The following ZPBP variants were observed in gnomAD, a reference collection of about 807,000 sequenced individuals.
ZPBP encodes zona pellucida binding protein.
In ZPBP, 26 loss-of-function variants were observed where a neutral mutation model predicts 44.8. The observed-to-expected ratio is 0.58, with a 90% confidence interval of 0.43 to 0.81. The LOEUF (loss-of-function observed/expected upper bound fraction) is 0.81. Among genes scored for constraint, ZPBP ranks in the 30% least tolerant of loss-of-function variants. The pLI is 0.00. For synonymous variants in ZPBP, 174 were observed against 153.2 expected (o/e 1.14, Z -1.00); for missense variants, 409 against 434.0 (o/e 0.94, Z 0.51).
At chr7:49,931,218 T>A (rs909474215) in intron 1 of ZPBP, among the ~76,000 whole-genome samples, 6 of 152,106 alleles carry the variant, frequency 3.9e-5, no homozygotes, top group African/African-American at 1.4e-4. Context: ...ACTAATACAG[T>A]ACATTGGTAC....
chr7:49,987,569 T>C (rs1215811135), intron 6 of ZPBP, among the ~76,000 whole-genome samples: 2 of 152,210 alleles, frequency 1.3e-5, no homozygotes, highest in Non-Finnish European at 2.9e-5. Flanking sequence ...CTATACCTGT[T>C]TATTAGGCCC....
rs1280381385 is a variant in ZPBP at position 50,043,473 on chromosome 7, T to C, written c.488-12163A>G. Among the ~76,000 whole-genome samples the C allele has an allele frequency of 3.3e-5, 5 of 152,102 alleles. No homozygotes were observed. In the South Asian group the frequency reaches 1.0e-3, roughly 32 times the overall value. On this transcript the variant is annotated intron_variant, in intron 4 of 7. Transcript: ENST00000046087. ...CACACATAGGCTCAAAATAAAGGGA[T>C]GGGGGAATGTTTGCCAAGCAAATGG...
intron 4 of ZPBP, among the ~76,000 whole-genome samples, chr7:50,045,740 C>T (rs796541703): frequency 4.6e-5 from 7 of 152,268 alleles, no homozygotes; most frequent in African/African-American, 1.7e-4. Flanking sequence ...TTTATAGATT[C>T]AATGCTATCC....
intron 2 of ZPBP, among the ~76,000 whole-genome samples, chr7:50,085,051 A>G (rs1802566715): frequency 6.6e-6 from 1 of 152,064 alleles, no homozygotes; most frequent in Admixed American, 6.6e-5. Flanking sequence ...ATATAAACTT[A>G]TTTAGAAATA....
At chr7:49,995,883 G>A (rs1216336328) in intron 6 of ZPBP, among the ~76,000 whole-genome samples, 4 of 152,198 alleles carry the variant, frequency 2.6e-5, no homozygotes, top group African/African-American at 7.2e-5. Flanking sequence ...GTTTGGGGGC[G>A]GGCAGTGAAG....
intron 3 of ZPBP, among the ~76,000 whole-genome samples, chr7:50,074,485 T>C (rs1435066073): frequency 6.6e-6 from 1 of 151,610 alleles, no homozygotes; most frequent in African/African-American, 2.4e-5. Flanking sequence ...ACAGAGTAGA[T>C]GAAAAAACAA....
Position 49,957,336 on chromosome 7 carries a change from A to G in ZPBP, c.962-19714T>C, listed in dbSNP as rs373221548. ...GTTGCTAAAACAGTCCTCTCATCAC[A>G]GGCCCAGAGTGTCACTCCTCGCATC... is the stretch of plus-strand genomic sequence containing the variant. On this transcript the variant is annotated intron_variant, in intron 7 of 7. Transcript: ENST00000046087. 1.5e-3 allele frequency among the ~76,000 whole-genome samples: 234 copies of G among 152,346 alleles called. 3 individuals carry two copies. The highest frequency in any genetic ancestry group is 5.4e-3 in the African/African-American group (224 of 41,588).
At chr7:49,998,928 A>T (rs142950095) in intron 6 of ZPBP, among the ~76,000 whole-genome samples, 86 of 152,256 alleles carry the variant, frequency 5.6e-4, no homozygotes, top group African/African-American at 1.9e-3. Flanking sequence ...ACACAGGTTG[A>T]GCATCTCTAA....
chr7:50,050,671 C>T (rs1437232224), intron 4 of ZPBP, among the ~76,000 whole-genome samples: 1 of 150,984 alleles, frequency 6.6e-6, no homozygotes, highest in South Asian at 2.1e-4. Flanking sequence ...GGAGAACTGG[C>T]TAGCCATATG....
intron 2 of ZPBP, among the ~76,000 whole-genome samples, chr7:50,082,401 A>C (rs1446917684): frequency 6.6e-6 from 1 of 151,938 alleles, no homozygotes; most frequent in African/African-American, 2.4e-5. Context: ...TATTGATTTT[A>C]AATATTAAAG....
chr7:49,844,105 G>A, the ZPBP span, among the ~76,000 whole-genome samples: 2 of 152,212 alleles, frequency 1.3e-5, no homozygotes, highest in Non-Finnish European at 2.9e-5. Flanking sequence ...GATGGCAACA[G>A]GTGGATGAAT....
chr7:50,063,503 T>C (rs147931856), intron 3 of ZPBP, among the ~76,000 whole-genome samples: 1 of 152,248 alleles, frequency 6.6e-6, no homozygotes, highest in African/African-American at 2.4e-5. Context: ...ATACTCCTAA[T>C]AAACAGAGGT....
chr7:49,914,178 G>A (rs555057917), intron 1 of ZPBP: 1 of 152,350 alleles, frequency 6.6e-6, no homozygotes, highest in South Asian at 2.1e-4. Flanking sequence ...TGGGCCATTA[G>A]TAACCTCTTC....
rs1276199168 is a variant in ZPBP, at chr7:49,919,618, C to A, written n.411+16133G>T. 3 of 152,124 alleles carry A rather than the reference C, an allele frequency of 2.0e-5. No homozygotes were observed. In the East Asian group the frequency reaches 5.8e-4, roughly 29 times the overall value. The allele number at this position is 152,124 out of a possible 1,614,324, so 9.4% of individuals were successfully genotyped here. ...ATAGATTAATTATAAAAATAATCTA[C>A]CCATGTTACATAATGTTAAATCTGT... On this transcript the variant is annotated intron_variant and non_coding_transcript_variant, in intron 1 of 2. Transcript: ENST00000465922.
intron 1 of ZPBP, among the ~76,000 whole-genome samples, chr7:49,905,281 T>A (rs1793026031): frequency 6.6e-6 from 1 of 152,178 alleles, no homozygotes; most frequent in Non-Finnish European, 1.5e-5. Flanking sequence ...GAGTACATGA[T>A]AGCTATGGAA....
intron 2 of ZPBP, among the ~76,000 whole-genome samples, chr7:49,871,108 G>A (rs369380536): frequency 6.6e-6 from 1 of 152,102 alleles, no homozygotes; most frequent in Non-Finnish European, 1.5e-5. Flanking sequence ...GGACTTCAAA[G>A]TAGTATTTCA....
intron 5 of ZPBP, among the ~76,000 whole-genome samples, chr7:50,029,260 C>T (rs1455096601): frequency 1.3e-5 from 2 of 152,172 alleles, no homozygotes; most frequent in Non-Finnish European, 2.9e-5. Context: ...AACAAATGTT[C>T]TTGGACAACC....
At chr7:50,018,344 G>T in intron 5 of ZPBP, 28 bp from the exon 6 acceptor site, 10 of 1,447,870 alleles carry the variant, frequency 6.9e-6, no homozygotes, top group Non-Finnish European at 8.7e-6. Flanking sequence ...ATTTTATCAT[G>T]GGTATAATGT....
chr7:50,029,230 T>A (rs142561170), intron 5 of ZPBP, among the ~76,000 whole-genome samples: 139 of 152,320 alleles, frequency 9.1e-4, no homozygotes, highest in South Asian at 1.4e-3. Flanking sequence ...CCATTCAGTG[T>A]GGAAAAGAAT....
Sources: gnomAD v4.1 joint callset for allele counts (sites outside exome capture counted in the v4.1 genomes callset) on GRCh38, gnomAD v4.1.1 for gene constraint, MANE v1.5 for transcripts, NCBI Gene and HGNC (gene_info 2026-07-23, HGNC 2026-07-21) for gene names.